Variants in SVIL observed in about 807,000 individuals in gnomAD.
SVIL encodes archvillin.
SVIL carries 101 observed loss-of-function variants against 240.4 expected under a neutral mutation model. That is an observed-to-expected ratio of 0.42 (90% CI 0.36 to 0.50). The LOEUF is 0.50. SVIL is among the 20% of genes least tolerant of loss of function. The pLI, the probability that SVIL is intolerant of heterozygous loss-of-function variation, is 0.01. For synonymous variants in SVIL, 999 were observed against 1,100.0 expected (o/e 0.91, Z 1.82); for missense variants, 2,512 against 2,818.7 (o/e 0.89, Z 2.46).
chr10:29,488,505 C>A, intron 23 of SVIL, 96 bp downstream of exon 23: 2 of 1,362,644 alleles, frequency 1.5e-6, no homozygotes, highest in Non-Finnish European at 9.5e-7. Flanking sequence ...GCGTTCCTTT[C>A]CCGGCACAGG....
chr10:29,708,896 C>CA (rs1318452124), intron 1 of SVIL, among the ~76,000 whole-genome samples: 3 of 151,858 alleles, frequency 2.0e-5, no homozygotes, highest in African/African-American at 7.3e-5. Context: ...AAAAATCAAA[C>CA]AAAAAACCTG....
At chr10:29,700,086 T>C (rs959608135) in intron 1 of SVIL, among the ~76,000 whole-genome samples, 1 of 152,102 alleles carries the variant, frequency 6.6e-6, no homozygotes, top group African/African-American at 2.4e-5. Flanking sequence ...ACGAAATAAA[T>C]GATTTCACCT....
At chr10:29,580,454 C>T (rs1261160140) in intron 1 of SVIL, among the ~76,000 whole-genome samples, 1 of 152,114 alleles carries the variant, frequency 6.6e-6, no homozygotes, top group East Asian at 1.9e-4. Context: ...TGAGAGAACA[C>T]GTATAGAAGC....
rs140166967 is a variant in SVIL, at chr10:29,465,555, C to T, written c.6133+40G>A. ...ATCAAAAGGCTTTCTGGAAGATGTG[C>T]CTTCTACTGCTCAGCATAGCTGCCC... On this transcript the variant is annotated intron_variant, in intron 34 of 37. Coordinates refer to ENST00000355867, the MANE Select transcript of SVIL (RefSeq NM_021738.3). 1,209 of 1,552,030 alleles carry T rather than the reference C, an allele frequency of 7.8e-4. 7 individuals carry two copies. Among genetic ancestry groups the T allele is most frequent in the African/African-American group, 4.6e-3 (330 of 71,916 alleles).
intron 1 of SVIL, among the ~76,000 whole-genome samples, chr10:29,596,798 C>T (rs915261646): frequency 2.0e-5 from 3 of 152,218 alleles, no homozygotes; most frequent in Non-Finnish European, 2.9e-5. Flanking sequence ...GAATGCTTTC[C>T]ATATCTCGTT....
At chr10:29,488,051 G>T (rs770664558) in intron 23 of SVIL, among the ~76,000 whole-genome samples, 1 of 152,142 alleles carries the variant, frequency 6.6e-6, no homozygotes, top group Non-Finnish European at 1.5e-5. Context: ...TCATGGCCCA[G>T]AGACGCCCTG....
chr10:29,690,872 G>C (rs955830178), intron 1 of SVIL, among the ~76,000 whole-genome samples: 2 of 152,182 alleles, frequency 1.3e-5, no homozygotes, highest in African/African-American at 4.8e-5. Context: ...TTCATGGTCT[G>C]AACTTTACCT....
intron 1 of SVIL, among the ~76,000 whole-genome samples, chr10:29,582,542 G>A (rs953504095): frequency 2.8e-4 from 43 of 152,074 alleles, no homozygotes; most frequent in African/African-American, 9.4e-4. Context: ...TTAGAGACCA[G>A]CCTGGGCAAC....
chr10:29,458,278 A>G lies in SVIL; in HGVS notation c.6614T>C (p.Val2205Ala), dbSNP rs772295960. ...CAGGCCTTTTGCTTTCTTCAGGTTC[A>G]CCTGCTTCCAGGCGGGCAGGGCGTT... ...EYNALPAWKQ[V>A]NLKKAKGLF Residue 2205 changes from valine (V) to alanine (A), a missense_variant, in exon 38 of 38, where the codon GTG (valine) becomes GCG (alanine). Transcript: ENST00000355867. 6.2e-7 allele frequency: 1 copy of G among 1,614,190 alleles called. No individual in the cohort carries two copies. Among genetic ancestry groups the G allele is most frequent in the Non-Finnish European group, 8.5e-7 (1 of 1,180,050 alleles).
rs189510414 is a variant in SVIL, at chr10:29,529,861, T to C, written c.2107-17A>G. ...TTCCATCTCCTAAGATTAGAAGTAT[T>C]GTGGAACCCTTATAAATTCAAGGAA... On this transcript the variant is annotated splice_polypyrimidine_tract_variant and intron_variant, in intron 11 of 37. Transcript: ENST00000355867. 6.6e-4 allele frequency: 1,045 copies of C among 1,594,718 alleles called. 3 individuals are homozygous for C. The highest frequency in any genetic ancestry group is 3.4e-3 in the Middle Eastern group (20 of 5,898).
In SVIL at chr10:29,551,084, G is replaced by T. The variant is rs578140762; in HGVS notation, c.340C>A (p.Arg114=). 4 of 1,614,108 alleles carry T rather than the reference G, an allele frequency of 2.5e-6. No homozygotes were observed. In the South Asian group the frequency reaches 3.3e-5, roughly 13 times the overall value. The change falls in exon 6 of 38, where the codon CGA becomes AGA. Residue 114 remains arginine, a synonymous_variant. Transcript: ENST00000355867. ...AGCCCATACTTCTCTGCCAGCTGTC[G>T]CCTTCTTTCTGCTTTGTACCTTGCA... ...RIARYKAERR[R]QLAEKYGLTL...
chr10:29,470,980 G>A (rs1280614900), intron 31 of SVIL, among the ~76,000 whole-genome samples, 158 bp downstream of exon 31: 6 of 152,106 alleles, frequency 3.9e-5, no homozygotes, highest in Admixed American at 2.6e-4. Context: ...CGGGTCATGA[G>A]CACCCATAGA....
At chr10:29,616,070 G>A (rs1589392545) in intron 1 of SVIL, among the ~76,000 whole-genome samples, 2 of 152,176 alleles carry the variant, frequency 1.3e-5, no homozygotes, top group South Asian at 2.1e-4. Context: ...CAGCACATAG[G>A]TGGGTGGCTT....
At chr10:29,513,112 T>A (rs1320969600) in intron 16 of SVIL, among the ~76,000 whole-genome samples, 1 of 152,248 alleles carries the variant, frequency 6.6e-6, no homozygotes, top group Non-Finnish European at 1.5e-5. Flanking sequence ...AGATAAAAGA[T>A]GCACCATCAT....
chr10:29,640,605 C>G (rs963438628), intron 3 of SVIL, among the ~76,000 whole-genome samples: 1 of 152,174 alleles, frequency 6.6e-6, no homozygotes, highest in Non-Finnish European at 1.5e-5. Flanking sequence ...CTCCCATCTC[C>G]CATCAGGAAA....
intron 22 of SVIL, among the ~76,000 whole-genome samples, chr10:29,490,596 A>AC (rs1174836433): frequency 1.3e-5 from 2 of 150,332 alleles, no homozygotes; most frequent in Non-Finnish European, 3.0e-5. Context: ...AAAAAAAAAA[A>AC]AAAAAAACCA....
chr10:29,681,366 G>C (rs1205499285), intron 2 of SVIL, among the ~76,000 whole-genome samples: 1 of 150,864 alleles, frequency 6.6e-6, no homozygotes, highest in South Asian at 2.1e-4. Context: ...ACAGCACAAA[G>C]CATGACATGC....
chr10:29,527,166 G>T, intron 12 of SVIL, 110 bp from the exon 13 acceptor site: 1 of 1,003,408 alleles, frequency 1.0e-6, no homozygotes, highest in Non-Finnish European at 1.5e-6. Context: ...AATTTTAACA[G>T]AATATTTTGC....
chr10:29,647,621 A>G (rs1466521069), intron 3 of SVIL, among the ~76,000 whole-genome samples: 2 of 133,962 alleles, frequency 1.5e-5, no homozygotes, highest in South Asian at 4.8e-4. Flanking sequence ...TAATGCAAAT[A>G]TAGGTGTGTG....
Sources: allele counts gnomAD v4.1 joint callset (sites outside exome capture counted in the v4.1 genomes callset), GRCh38; gene constraint gnomAD v4.1.1; transcripts MANE v1.5; gene names NCBI Gene and HGNC (gene_info 2026-07-23, HGNC 2026-07-21).